The following ANKS1B variants were observed in gnomAD, a reference collection of about 807,000 sequenced individuals.
The protein encoded by ANKS1B is ankyrin repeat and sterile alpha motif domain-containing protein 1B.
ANKS1B carries 36 observed loss-of-function variants against 148.3 expected under a neutral mutation model. The ratio of observed to expected loss-of-function variants is 0.24; its 90% CI spans 0.19 to 0.32. ANKS1B has a LOEUF of 0.32. Among genes scored for constraint, ANKS1B ranks in the 10% least tolerant of loss-of-function variants. The pLI is 1.00. For missense variants in ANKS1B, 1,157 were observed against 1,542.6 expected (o/e 0.75, Z 4.19); for synonymous variants, 542 against 560.8 (o/e 0.97, Z 0.47).
chr12:98,797,263 C>G (rs56043074), intron 22 of ANKS1B, among the ~76,000 whole-genome samples: 7 of 152,156 alleles, frequency 4.6e-5, no homozygotes, highest in African/African-American at 1.7e-4. Flanking sequence ...AACAGAGGAT[C>G]GGGGAAACAG....
chr12:99,402,502 G>A (rs903582645), intron 11 of ANKS1B, among the ~76,000 whole-genome samples: 4 of 145,220 alleles, frequency 2.8e-5, no homozygotes, highest in Non-Finnish European at 6.1e-5. Flanking sequence ...CCCAGTGTGT[G>A]TTGTTCCCCT....
intron 12 of ANKS1B, among the ~76,000 whole-genome samples, chr12:99,342,847 AC>A (rs1385185867): frequency 2.6e-5 from 4 of 151,960 alleles, no homozygotes; most frequent in Non-Finnish European, 4.4e-5. Context: ...TCTTTATTTG[AC>A]CTTTGAGATA....
intron 22 of ANKS1B, among the ~76,000 whole-genome samples, chr12:98,792,650 T>C (rs74680871): frequency 0.042 from 6,424 of 152,298 alleles, 192 homozygotes; most frequent in East Asian, 0.13. Flanking sequence ...TTCTATTCTC[T>C]ACTTGTATGA....
intron 17 of ANKS1B, among the ~76,000 whole-genome samples, chr12:98,848,935 C>T (rs1303003605): frequency 6.6e-6 from 1 of 151,804 alleles, no homozygotes; most frequent in Non-Finnish European, 1.5e-5. Flanking sequence ...GATGGGGTTT[C>T]ACCATGTTGG....
intron 25 of ANKS1B, among the ~76,000 whole-genome samples, chr12:98,771,334 A>ATT (rs778548768): frequency 6.4e-4 from 91 of 141,300 alleles, no homozygotes; most frequent in African/African-American, 2.1e-3. Flanking sequence ...TGTCTGGCTA[A>ATT]TTTTTTTTTT....
intron 11 of ANKS1B, among the ~76,000 whole-genome samples, chr12:99,422,114 G>A (rs1339387038): frequency 6.6e-6 from 1 of 152,126 alleles, no homozygotes; most frequent in Non-Finnish European, 1.5e-5. Flanking sequence ...AGCAAAGCAG[G>A]CATTTCTTTA....
intron 17 of ANKS1B, among the ~76,000 whole-genome samples, chr12:98,886,336 A>T (rs1255751886): frequency 2.6e-5 from 4 of 152,232 alleles, no homozygotes; most frequent in Non-Finnish European, 4.4e-5. Flanking sequence ...CACTTCTGAT[A>T]GTTGAATTAC....
At chr12:98,809,604 C>T (rs542020321) in intron 19 of ANKS1B, among the ~76,000 whole-genome samples, 24 of 152,250 alleles carry the variant, frequency 1.6e-4, no homozygotes, top group African/African-American at 5.8e-4. Flanking sequence ...TGTCAGCCTG[C>T]TGGGATGGCT....
chr12:99,076,416 T>C (rs954356565), intron 16 of ANKS1B, among the ~76,000 whole-genome samples: 14 of 152,192 alleles, frequency 9.2e-5, no homozygotes, highest in Non-Finnish European at 1.3e-4. Flanking sequence ...GTAAGGAAAG[T>C]AAAGAGAGTA....
Position 99,984,183 on chromosome 12 carries a change from C to T in ANKS1B, c.55G>A (p.Val19Met). 2 of 1,613,938 alleles carry T rather than the reference C, an allele frequency of 1.2e-6. No individual in the cohort carries two copies. Among genetic ancestry groups the T allele is most frequent in the Non-Finnish European group, 1.7e-6 (2 of 1,179,860 alleles). Reference sequence around the variant, plus strand: ...TTCCTGCCAGACAGGAGTTTCTCCACCAGAGCCACATTTCCAGTGCGAGCA... The same window carrying T: ...TTCCTGCCAGACAGGAGTTTCTCCATCAGAGCCACATTTCCAGTGCGAGCA... Reference protein sequence around the residue: ...EAARTGNVALVEKLLSGRKGG... With the variant: ...EAARTGNVALMEKLLSGRKGG... The change falls in exon 1 of 27, where the codon GTG (valine) becomes ATG (methionine). Residue 19 changes from valine to methionine, a missense_variant. Physicochemically the swap from Val to Met is conservative, Grantham distance 21. Transcript: ENST00000683438.
intron 10 of ANKS1B, among the ~76,000 whole-genome samples, chr12:99,489,225 G>C (rs1212348582): frequency 1.4e-5 from 2 of 140,664 alleles, no homozygotes; most frequent in Non-Finnish European, 3.0e-5. Flanking sequence ...CTGGGTGATA[G>C]AGCAAGACTC....
intron 12 of ANKS1B, among the ~76,000 whole-genome samples, chr12:99,346,169 T>C (rs554788574): frequency 3.0e-4 from 46 of 152,184 alleles, no homozygotes; most frequent in Admixed American, 4.6e-4. Flanking sequence ...GTCTCCACAA[T>C]GCTGATTGGG....
At chr12:99,015,360 CG>C (rs1382059476) in intron 17 of ANKS1B, among the ~76,000 whole-genome samples, 1 of 151,884 alleles carries the variant, frequency 6.6e-6, no homozygotes, top group Non-Finnish European at 1.5e-5. Flanking sequence ...TGGGGCCTTT[CG>C]GAGGGCAGAG....
intron 17 of ANKS1B, among the ~76,000 whole-genome samples, chr12:98,962,775 A>G (rs1024088042): frequency 1.3e-5 from 2 of 152,242 alleles, no homozygotes; most frequent in African/African-American, 4.8e-5. Context: ...AACTATAATA[A>G]ATCAGTATCA....
At chr12:98,813,575 C>T (rs1038335791) in intron 19 of ANKS1B, among the ~76,000 whole-genome samples, 2 of 145,058 alleles carry the variant, frequency 1.4e-5, no homozygotes, top group Middle Eastern at 3.8e-3. Flanking sequence ...CAGGGTCTTG[C>T]TCTGTCACCC....
intron 17 of ANKS1B, among the ~76,000 whole-genome samples, chr12:98,990,787 T>C (rs2099926176): frequency 6.6e-6 from 1 of 152,202 alleles, no homozygotes. Flanking sequence ...ATATCTTGCC[T>C]TTCTGTTAGG....
intron 22 of ANKS1B, among the ~76,000 whole-genome samples, chr12:98,784,271 A>G (rs956154054): frequency 2.0e-5 from 3 of 152,194 alleles, no homozygotes; most frequent in African/African-American, 7.2e-5. Context: ...AGTGAACAAG[A>G]AAAGAGGGAA....
At chr12:99,604,769 C>G (rs1044813469) in intron 9 of ANKS1B, among the ~76,000 whole-genome samples, 4 of 142,798 alleles carry the variant, frequency 2.8e-5, no homozygotes, top group Non-Finnish European at 4.5e-5. Flanking sequence ...GAGCTGAGAT[C>G]ACACCATTGC....
chr12:99,013,821 T>G (rs557420406), intron 17 of ANKS1B, among the ~76,000 whole-genome samples: 19 of 151,980 alleles, frequency 1.3e-4, no homozygotes, highest in African/African-American at 4.1e-4. Flanking sequence ...AAGATGTCTA[T>G]AAGGAGAACT....
Sources: allele counts gnomAD v4.1 joint callset (sites outside exome capture counted in the v4.1 genomes callset), GRCh38; gene constraint gnomAD v4.1.1; transcripts MANE v1.5; gene names NCBI Gene and HGNC (gene_info 2026-07-23, HGNC 2026-07-21).